The following WIZ variants were observed in gnomAD, a reference collection of about 807,000 sequenced individuals.
The protein encoded by WIZ is protein Wiz.
In WIZ, 25 loss-of-function variants were observed where a neutral mutation model predicts 140.2. The ratio of observed to expected loss-of-function variants is 0.18; its 90% CI spans 0.13 to 0.25. The LOEUF is 0.25. WIZ is among the 10% of genes least tolerant of loss of function. The pLI is 1.00. For synonymous variants in WIZ, 1,125 were observed against 1,154.3 expected (o/e 0.97, Z 0.51); for missense variants, 2,231 against 2,632.6 (o/e 0.85, Z 3.34).
In WIZ at chr19:15,448,235, C is replaced by T. The variant is rs749875612; in HGVS notation, c.73G>A (p.Ala25Thr). The stretch of plus-strand genomic sequence containing the variant: ...CCACCCTCGATGTTCTCCCTTGGCG[C>T]CGGGCCAGGCAGTCTCTCTGGGCCT... ...PQGPERLPGP[A>T]PRENIEGGAE... Residue 25 changes from alanine (A) to threonine (T), a missense_variant, in exon 2 of 13, where the codon GCG (alanine) becomes ACG (threonine). By Grantham distance (58) the Ala-to-Thr change is moderately conservative (BLOSUM62 0). This residue lies in a region of WIZ where 85 missense variants were observed against 90.9 expected (regional missense o/e 0.94). Coordinates refer to ENST00000673675, the MANE Select transcript of WIZ (RefSeq NM_001371589.1). 1 of 1,613,610 alleles carries T rather than the reference C, an allele frequency of 6.2e-7. No individual in the cohort carries two copies. Among genetic ancestry groups the T allele is most frequent in the Non-Finnish European group, 8.5e-7 (1 of 1,179,846 alleles).
At position 15,439,640 on chromosome 19, in the gene WIZ, G is replaced by A. The variant is rs951495858; in HGVS notation, c.1354C>T (p.Leu452Phe). 6.0e-6 allele frequency: 9 copies of A among 1,492,940 alleles called. No individual in the cohort carries two copies. Among genetic ancestry groups the A allele is most frequent in the Middle Eastern group, 1.7e-4 (1 of 5,756 alleles). The allele number at this position is 1,492,940 out of a possible 1,614,324, so 92.5% of individuals were successfully genotyped here. A position where few individuals can be genotyped will look rare whatever the true frequency, so the allele number is the denominator to read the frequency against. ...AGSPSPEASA[L>F]LYQPYGAAVG... The stretch of plus-strand genomic sequence containing the variant: ...GCAGCTCCGTAGGGCTGATAGAGGA[G>A]GGCGCTGGCCTCAGGGCTGGGGCTG... Residue 452 changes from leucine (L) to phenylalanine (F), a missense_variant, in exon 4 of 13, where the codon CTC (leucine) becomes TTC (phenylalanine). This residue lies in a region of WIZ where 475 missense variants were observed against 520.2 expected (regional missense o/e 0.91). Coordinates refer to ENST00000673675, the MANE Select transcript of WIZ (RefSeq NM_001371589.1). The surrounding 1 kb of genome is among the most constrained non-coding windows in gnomAD (Gnocchi z 7.0).
Position 15,429,590 on chromosome 19 carries a change from G to A in WIZ, c.3411C>T (p.Asn1137=), listed in dbSNP as rs1278014187. ...GCTCTTGGGACCCACACTCACTGAG[G>A]TTCAAGGGCCCCTCATCCTCAGACT... The part of the protein sequence containing the change: ...WPQSEDEGPL[N]LTLDSDGGRE... The change falls in exon 7 of 13, where the codon AAC becomes AAT. Residue 1137 remains asparagine (N), a synonymous_variant. Transcript: ENST00000673675. 3.9e-5 allele frequency: 54 copies of A among 1,379,364 alleles called. 1 individual carries two copies. The Admixed American group carries it at 1.6e-3, about 41-fold the overall frequency. The allele number at this position is 1,379,364 out of a possible 1,614,324, so 85.4% of individuals were successfully genotyped here. A position where few individuals can be genotyped will look rare whatever the true frequency, so the allele number is the denominator to read the frequency against.
rs766909498 is a variant in WIZ, at chr19:15,425,623, G to A, written c.4512C>T (p.Asp1504=). The change falls in exon 10 of 13, where the codon GAC becomes GAT. Residue 1504 remains aspartate, a synonymous_variant. Transcript: ENST00000673675. ...TEWSVNGSPI[D]TLREILKKKS... ...TCTTCTTGAGGATCTCTCGCAGTGT[G>A]TCGATGGGCGAACCATTGACGGACC... 17 of 1,612,516 alleles carry A rather than the reference G, an allele frequency of 1.1e-5. No homozygotes were observed. In the African/African-American group the frequency reaches 1.9e-4, roughly 18 times the overall value.
At position 15,439,715 on chromosome 19, in the gene WIZ, G is replaced by A. The variant is rs1393570735; in HGVS notation, c.1279C>T (p.Pro427Ser). 3 of 1,484,856 alleles carry A rather than the reference G, an allele frequency of 2.0e-6. No individual in the cohort carries two copies. The highest frequency in any genetic ancestry group is 1.8e-6 in the Non-Finnish European group (2 of 1,123,978). The allele number at this position is 1,484,856 out of a possible 1,614,324, so 92.0% of individuals were successfully genotyped here. A position where few individuals can be genotyped will look rare whatever the true frequency, so the allele number is the denominator to read the frequency against. The change falls in exon 4 of 13, where the codon CCC becomes TCC. Residue 427 changes from proline (P) to serine (S), a missense_variant. Physicochemically the swap from Pro to Ser is moderately conservative, Grantham distance 74. This residue lies in a region of WIZ where 475 missense variants were observed against 520.2 expected (regional missense o/e 0.91). Coordinates refer to ENST00000673675, the MANE Select transcript of WIZ (RefSeq NM_001371589.1). This position sits in a 1 kb window ranked among gnomAD's most constrained non-coding sequence, Gnocchi z 7.0. ...VQHAKLHMRE[P>S]PGQTTKEPFG... ...GGCTCTTTGGTGGTCTGGCCTGGGG[G>A]CTCACGCATGTGCAGCTTGGCATGC...
At chr19:15,447,736 G>C (rs1048992885) in intron 2 of WIZ, among the ~76,000 whole-genome samples, 4 of 152,224 alleles carry the variant, frequency 2.6e-5, no homozygotes, top group African/African-American at 4.8e-5. Context: ...GCCAGAGGGA[G>C]CTGGGATAGA....
At chr19:15,426,164 G>A (rs1018080259) in intron 9 of WIZ, among the ~76,000 whole-genome samples, 6 of 151,788 alleles carry the variant, frequency 4.0e-5, no homozygotes, top group African/African-American at 9.7e-5. Flanking sequence ...TGTTTCCTCC[G>A]CTGCAAAATG....
At chr19:15,447,993 C>A in intron 2 of WIZ, 110 bp downstream of exon 2, 5 of 1,271,436 alleles carry the variant, frequency 3.9e-6, no homozygotes, top group Non-Finnish European at 5.6e-6. Context: ...TGGACCCAAG[C>A]GGAATCAGCA....
chr19:15,431,316 G>C, intron 5 of WIZ, 134 bp from the exon 6 acceptor site: 1 of 1,161,670 alleles, frequency 8.6e-7, no homozygotes, highest in Non-Finnish European at 1.2e-6. Context: ...GGAAAGCTGA[G>C]GTTCCACCAT....
At chr19:15,430,331 A>T (rs1451398030) in intron 6 of WIZ, among the ~76,000 whole-genome samples, 1 of 152,216 alleles carries the variant, frequency 6.6e-6, no homozygotes, top group African/African-American at 2.4e-5. Context: ...ACAGCAGGAG[A>T]TAGAGCCCTT....
At chr19:15,430,958 G>T in intron 6 of WIZ, 54 bp downstream of exon 6, 1 of 1,473,750 alleles carries the variant, frequency 6.8e-7, no homozygotes. Flanking sequence ...GAGTGCTCCT[G>T]TGAGTGTAAC....
chr19:15,433,982 C>T (rs1480333477), intron 5 of WIZ, among the ~76,000 whole-genome samples: 1 of 152,128 alleles, frequency 6.6e-6, no homozygotes, highest in Non-Finnish European at 1.5e-5. Flanking sequence ...GGGCCGGGTG[C>T]GGTGGCTAAC....
At position 15,435,278 on chromosome 19, in the gene WIZ, T is replaced by C. The variant is rs543610266; in HGVS notation, c.2740+1528A>G. Among the ~76,000 whole-genome samples the C allele has an allele frequency of 3.3e-5, 5 of 151,410 alleles. No homozygotes were observed. In the East Asian group the frequency reaches 9.7e-4, roughly 29 times the overall value. ...GCAATCTTAGTTGTACAGACTTACA[T>C]TGAGGCATAAATGAGATTTAACACG... On this transcript the variant is annotated intron_variant, in intron 5 of 12. Transcript: ENST00000673675.
At chr19:15,438,222 G>A (rs1346594524) in intron 4 of WIZ, among the ~76,000 whole-genome samples, 1 of 152,192 alleles carries the variant, frequency 6.6e-6, no homozygotes, top group Non-Finnish European at 1.5e-5. Context: ...CTCCTGGACT[G>A]GGCCATGAAC....
chr19:15,422,998 A>C lies in WIZ; in HGVS notation c.*78T>G, dbSNP rs919153280. 1 of 1,545,268 alleles carries C rather than the reference A, an allele frequency of 6.5e-7. No homozygotes were observed. Among genetic ancestry groups the C allele is most frequent in the Non-Finnish European group, 8.7e-7 (1 of 1,146,210 alleles). ...TGCTCCTTTGGAAACGGAAAGAAAG[A>C]GGAAGAGGGACAAGGACACAGAGGA... On this transcript the variant is annotated 3_prime_UTR_variant, in exon 13 of 13. Transcript: ENST00000673675.
At chr19:15,426,860 T>A in intron 9 of WIZ, 122 bp downstream of exon 9, 1 of 1,185,698 alleles carries the variant, frequency 8.4e-7, no homozygotes, top group South Asian at 1.5e-5. Context: ...TAACCCTGTG[T>A]CCTCTCTACC....
At chr19:15,444,758 G>A (rs1969858981) in intron 2 of WIZ, among the ~76,000 whole-genome samples, 1 of 152,160 alleles carries the variant, frequency 6.6e-6, no homozygotes, top group Non-Finnish European at 1.5e-5. Context: ...ACTTTTTTCA[G>A]GAGAGGGCAG....
chr19:15,440,813 C>T lies in WIZ; in HGVS notation c.279-98G>A. On this transcript the variant is annotated intron_variant, in intron 3 of 12. Coordinates refer to ENST00000673675, the MANE Select transcript of WIZ (RefSeq NM_001371589.1). This position sits in a 1 kb window ranked among gnomAD's most constrained non-coding sequence, Gnocchi z 6.2. ...CCTCCCAGGCCGTTTGAAGCAGGCC[C>T]CGGAGATCCAGCCCGAGGGTGACAG... 7.9e-7 allele frequency: 1 copy of T among 1,273,366 alleles called. No homozygotes were observed. The highest frequency in any genetic ancestry group is 1.0e-6 in the Non-Finnish European group (1 of 953,370). 78.9% of individuals were successfully genotyped at this position (1,273,366 alleles called of 1,614,324 possible). A position where few individuals can be genotyped will look rare whatever the true frequency, so the allele number is the denominator to read the frequency against.
Position 15,438,936 on chromosome 19 carries a change from G to A in WIZ, c.2058C>T (p.Leu686=), listed in dbSNP as rs886097019. 2.1e-6 allele frequency: 3 copies of A among 1,445,950 alleles called. No homozygotes were observed. The highest frequency in any genetic ancestry group is 2.7e-6 in the Non-Finnish European group (3 of 1,100,900). The allele number at this position is 1,445,950 out of a possible 1,614,324, so 89.6% of individuals were successfully genotyped here. The part of the protein sequence containing the change: ...QQLRGMVPIV[L]VAKLGPQVMA... Reference sequence around the variant, plus strand: ...TGACCTGCGGCCCCAGCTTCGCCACGAGCACAATGGGTACCATCCCTCGGA... The same window carrying A: ...TGACCTGCGGCCCCAGCTTCGCCACAAGCACAATGGGTACCATCCCTCGGA... The change falls in exon 4 of 13, where the codon CTC becomes CTT. Residue 686 remains leucine (L), a synonymous_variant. Transcript: ENST00000673675.
In WIZ at chr19:15,423,068, CT is replaced by C; in HGVS notation, c.*7del. ...GTGGCACGAGAGGGGATCTGGAATG[CT>C]TTTGTGTTAGGGAGCCTCTGCCGCC... On this transcript the variant is annotated 3_prime_UTR_variant, in exon 13 of 13. Coordinates refer to ENST00000673675, the MANE Select transcript of WIZ (RefSeq NM_001371589.1). 6.2e-7 allele frequency: 1 copy of C among 1,610,540 alleles called. No homozygotes were observed. Among genetic ancestry groups the C allele is most frequent in the Middle Eastern group, 2.2e-4 (1 of 4,544 alleles).
Sources: gnomAD v4.1 joint callset for allele counts (sites outside exome capture counted in the v4.1 genomes callset) on GRCh38, gnomAD v4.1.1 for gene constraint, gnomAD v4.1.1 regional missense constraint, Gnocchi (gnomAD v3.1) non-coding constraint, MANE v1.5 for transcripts, NCBI Gene and HGNC (gene_info 2026-07-23, HGNC 2026-07-21) for gene names.